SLC71A1: variants seen among roughly 807,000 people sequenced by gnomAD.
SLC71A1 encodes solute carrier family 71 member 1, also known as hippocampus abundant gene transcript 1.
the SLC71A1 span, among the ~76,000 whole-genome samples, chr1:100,054,945 G>A: frequency 1.3e-5 from 2 of 152,178 alleles, no homozygotes; most frequent in Non-Finnish European, 2.9e-5. Flanking sequence ...AGGGTTGGGG[G>A]TTGGCCAGAT....
the SLC71A1 span, among the ~76,000 whole-genome samples, chr1:100,045,369 C>T: frequency 2.6e-5 from 4 of 152,032 alleles, no homozygotes; most frequent in African/African-American, 7.2e-5. Context: ...TTTACTGAAT[C>T]GTTTATCAGA....
At chr1:100,067,597 G>C in the SLC71A1 span, among the ~76,000 whole-genome samples, 1 of 152,110 alleles carries the variant, frequency 6.6e-6, no homozygotes, top group Non-Finnish European at 1.5e-5. Flanking sequence ...GATCGCTTGA[G>C]CTCAGGAGTT....
At chr1:100,079,515 G>T in the SLC71A1 span, 2 of 152,060 alleles carry the variant, frequency 1.3e-5, no homozygotes, top group Non-Finnish European at 2.9e-5. Flanking sequence ...GGAAGGAAAG[G>T]CCTATGGCCA....
the SLC71A1 span, chr1:100,069,694 CT>C: frequency 0.011 from 17,837 of 1,584,790 alleles, 125 homozygotes; most frequent in Middle Eastern, 0.035. Context: ...AGGTGAGTTT[CT>C]TTTTTTAGTT....
the SLC71A1 span, among the ~76,000 whole-genome samples, chr1:100,040,604 G>T: frequency 6.6e-6 from 1 of 152,084 alleles, no homozygotes; most frequent in Non-Finnish European, 1.5e-5. Flanking sequence ...GGGACTACAG[G>T]CACGTGCCAC....
At chr1:100,071,173 C>T in the SLC71A1 span, among the ~76,000 whole-genome samples, 40 of 151,186 alleles carry the variant, frequency 2.6e-4, no homozygotes, top group African/African-American at 8.8e-4. Flanking sequence ...GTTTTTGAGG[C>T]CAGGTGCGGT....
chr1:100,071,462 CCCTGT>C, the SLC71A1 span, among the ~76,000 whole-genome samples: 2 of 151,844 alleles, frequency 1.3e-5, no homozygotes, highest in African/African-American at 4.8e-5. Context: ...CAGAATGAGA[CCCTGT>C]CTCAAAAAAA....
the SLC71A1 span, chr1:100,061,848 GTTAT>G: frequency 6.2e-7 from 1 of 1,608,994 alleles, no homozygotes; most frequent in Non-Finnish European, 8.5e-7. Context: ...GTACTTTGCT[GTTAT>G]CTCTGTTTCT....
At chr1:100,043,442 A>T in the SLC71A1 span, among the ~76,000 whole-genome samples, 130 of 152,310 alleles carry the variant, frequency 8.5e-4, 1 homozygote, top group East Asian at 0.024. Context: ...CCTGTTTTTT[A>T]AAAAATAAAT....
chr1:100,078,863 A>C, the SLC71A1 span: 2 of 196,078 alleles, frequency 1.0e-5, no homozygotes, highest in Non-Finnish European at 2.1e-5. Flanking sequence ...TGAGTTCAGG[A>C]GTTGGAGACC....
At chr1:100,076,052 GC>G in the SLC71A1 span, among the ~76,000 whole-genome samples, 11 of 152,224 alleles carry the variant, frequency 7.2e-5, no homozygotes, top group Admixed American at 6.5e-4. Context: ...TGGTTTGGTT[GC>G]CGAAGAATAT....
the SLC71A1 span, chr1:100,082,001 A>T: frequency 6.2e-7 from 1 of 1,608,996 alleles, no homozygotes; most frequent in Non-Finnish European, 8.5e-7. Flanking sequence ...ATTCTTCCTC[A>T]GAATTCCATC....
chr1:100,081,830 A>T, the SLC71A1 span, among the ~76,000 whole-genome samples: 1 of 152,220 alleles, frequency 6.6e-6, no homozygotes, highest in Non-Finnish European at 1.5e-5. Context: ...TTTTATAGAG[A>T]ATGTGATAGT....
chr1:100,057,357 C>CTTT, the SLC71A1 span, among the ~76,000 whole-genome samples: 2 of 122,564 alleles, frequency 1.6e-5, no homozygotes, highest in African/African-American at 6.1e-5. Context: ...CTTTTTCTTT[C>CTTT]TTTTTTTTTT....
chr1:100,079,474 CAG>C, the SLC71A1 span: 1 of 151,958 alleles, frequency 6.6e-6, no homozygotes, highest in East Asian at 1.9e-4. Context: ...CACTGCAAAA[CAG>C]TGGCAGTTGT....
chr1:100,058,756 T>TACAC, the SLC71A1 span: 7 of 1,193,372 alleles, frequency 5.9e-6, no homozygotes, highest in Non-Finnish European at 8.7e-6. Flanking sequence ...TATATATGTG[T>TACAC]ATATATACAT....
chr1:100,043,456 A>G, the SLC71A1 span, among the ~76,000 whole-genome samples: 1 of 152,190 alleles, frequency 6.6e-6, no homozygotes, highest in Non-Finnish European at 1.5e-5. Context: ...AATAAATAAT[A>G]CATGTTTTCC....
the SLC71A1 span, chr1:100,079,095 A>G: frequency 0.082 from 12,448 of 152,224 alleles, 851 homozygotes; most frequent in African/African-American, 0.18. Flanking sequence ...TTACTGATGA[A>G]TGTTGGCCAC....
At chr1:100,068,091 G>C in the SLC71A1 span, 6 of 1,614,068 alleles carry the variant, frequency 3.7e-6, no homozygotes, top group Non-Finnish European at 5.1e-6. Flanking sequence ...AGCTTTGCTA[G>C]ATATTTGTTT....
Sources: gnomAD v4.1 joint callset for allele counts (sites outside exome capture counted in the v4.1 genomes callset) on GRCh38, gnomAD v4.1.1 for gene constraint, MANE v1.5 for transcripts, NCBI Gene and HGNC (gene_info 2026-07-23, HGNC 2026-07-21) for gene names.